RCAN1: variants seen among roughly 807,000 people sequenced by gnomAD.
The protein encoded by RCAN1 is calcipressin-1.
In RCAN1, 11 loss-of-function variants were observed where a neutral mutation model predicts 22.9. The ratio of observed to expected loss-of-function variants is 0.48; its 90% confidence interval spans 0.30 to 0.79. The LOEUF (loss-of-function observed/expected upper bound fraction) is 0.79, where lower values mean the gene tolerates loss of function less well. Among genes scored for constraint, RCAN1 ranks in the 30% least tolerant of loss-of-function variants. The pLI, the probability that RCAN1 is intolerant of heterozygous loss-of-function variation, is 0.06. For synonymous variants in RCAN1, 136 were observed against 142.3 expected (o/e 0.96, Z 0.32); for missense variants, 291 against 337.8 (o/e 0.86, Z 1.09).
At chr21:34,549,607 G>A (rs1454268223) in intron 1 of RCAN1, among the ~76,000 whole-genome samples, 1 of 152,148 alleles carries the variant, frequency 6.6e-6, no homozygotes, top group African/African-American at 2.4e-5. Context: ...TATTTGCCTT[G>A]TTTTTAATAT....
At chr21:34,573,377 C>G (rs1987300146) in intron 1 of RCAN1, among the ~76,000 whole-genome samples, 1 of 152,190 alleles carries the variant, frequency 6.6e-6, no homozygotes, top group Admixed American at 6.5e-5. Flanking sequence ...AAATATTTTG[C>G]CTTCACTGAG....
intron 1 of RCAN1, among the ~76,000 whole-genome samples, chr21:34,557,373 C>A (rs1351576433): frequency 2.0e-5 from 3 of 152,214 alleles, no homozygotes; most frequent in African/African-American, 7.2e-5. Flanking sequence ...ACTCATAATT[C>A]CCACAACGCC....
chr21:34,581,128 T>C (rs1308654182), intron 1 of RCAN1, among the ~76,000 whole-genome samples: 2 of 152,282 alleles, frequency 1.3e-5, no homozygotes, highest in East Asian at 3.9e-4. Flanking sequence ...TGAAAATGCC[T>C]TCTAGACTGG....
At chr21:34,531,458 C>T (rs1332700552) in intron 1 of RCAN1, among the ~76,000 whole-genome samples, 1 of 152,186 alleles carries the variant, frequency 6.6e-6, no homozygotes, top group East Asian at 1.9e-4. Context: ...CTATCCCATC[C>T]TTCACCGTGC....
chr21:34,523,643 T>C lies in RCAN1; in HGVS notation c.320A>G (p.Lys107Arg), dbSNP rs755567824. 1.2e-6 allele frequency: 2 copies of C among 1,614,202 alleles called. No homozygotes were observed. The highest frequency in any genetic ancestry group is 4.5e-5 in the East Asian group (2 of 44,884). Residue 107 changes from lysine (K) to arginine (R), a missense_variant, in exon 2 of 4, where the codon AAA (lysine) becomes AGA (arginine). By Grantham distance (26) the Lys-to-Arg change is conservative. Coordinates refer to ENST00000313806, the MANE Select transcript of RCAN1 (RefSeq NM_004414.7). ...GTTGCTGAAGTTTATTCTGACTCGTTTGAAGCTCTTAAAATACTGAAAGGT... is the reference window on the plus strand; with the variant it reads ...GTTGCTGAAGTTTATTCTGACTCGTCTGAAGCTCTTAAAATACTGAAAGGT... ...DITFQYFKSF[K>R]RVRINFSNPF...
chr21:34,536,714 G>A (rs1053492893), intron 1 of RCAN1, among the ~76,000 whole-genome samples: 1 of 152,134 alleles, frequency 6.6e-6, no homozygotes, highest in Non-Finnish European at 1.5e-5. Flanking sequence ...GAGGAGTAAA[G>A]GTGAGAGGGT....
intron 1 of RCAN1, chr21:34,526,652 A>G: frequency 6.2e-7 from 1 of 1,611,076 alleles, no homozygotes; most frequent in Non-Finnish European, 8.5e-7. Flanking sequence ...ACGTTATATT[A>G]GAAGCCTTAC....
At chr21:34,592,118 A>T (rs1449551259) in intron 1 of RCAN1, among the ~76,000 whole-genome samples, 1 of 152,232 alleles carries the variant, frequency 6.6e-6, no homozygotes, top group Non-Finnish European at 1.5e-5. Context: ...TAGACAGACG[A>T]AAGAAAAATG....
Position 34,517,130 on chromosome 21 carries a change from G to GT in RCAN1, c.*953dup, listed in dbSNP as rs1568872829. ...TTTACAAGTGTATCTTGATGTCTTC[G>GT]TGGGGTAAAAGAACCAACTATCTCA... On this transcript the variant is annotated 3_prime_UTR_variant, in exon 4 of 4. Transcript: ENST00000313806. The GT allele has an allele frequency of 6.6e-6, 1 of 152,220 alleles. No individual in the cohort carries two copies. The highest frequency in any genetic ancestry group is 1.9e-4 in the East Asian group (1 of 5,202). The allele number at this position is 152,220 out of a possible 1,614,324, so 9.4% of individuals were successfully genotyped here.
Position 34,595,750 on chromosome 21 carries a change from C to T in RCAN1, c.252+19010G>A, listed in dbSNP as rs568493543. 3.5e-4 allele frequency among the ~76,000 whole-genome samples: 53 copies of T among 152,360 alleles called. 1 individual carries two copies. Among genetic ancestry groups the T allele is most frequent in the Middle Eastern group, 3.4e-3 (1 of 294 alleles). On this transcript the variant is annotated intron_variant, in intron 1 of 3. Transcript: ENST00000313806. ...CACTGGAAGGGCACTGCTCCCAACACCCACTCACACGCTGCCTGGATGGCT... is the reference window on the plus strand; with the variant it reads ...CACTGGAAGGGCACTGCTCCCAACATCCACTCACACGCTGCCTGGATGGCT...
At position 34,608,313 on chromosome 21, in the gene RCAN1, C is replaced by T. The variant is rs1601225854; in HGVS notation, c.252+6447G>A. ...GATGGCCCCCAGGGATCCCCACGTC[C>T]TGGTATTTACACCCTTTTGTAATTC... On this transcript the variant is annotated intron_variant, in intron 1 of 3. Transcript: ENST00000313806. 2.0e-5 allele frequency among the ~76,000 whole-genome samples: 3 copies of T among 152,298 alleles called. No individual in the cohort carries two copies. In the South Asian group the frequency reaches 6.2e-4, roughly 32 times the overall value.
intron 1 of RCAN1, among the ~76,000 whole-genome samples, chr21:34,550,721 G>A (rs1402218334): frequency 2.0e-5 from 3 of 152,150 alleles, no homozygotes; most frequent in Admixed American, 1.3e-4. Flanking sequence ...TTAAGAGCAT[G>A]TAACAATATA....
intron 1 of RCAN1, among the ~76,000 whole-genome samples, chr21:34,610,190 A>G (rs929802554): frequency 6.6e-6 from 1 of 152,230 alleles, no homozygotes; most frequent in Non-Finnish European, 1.5e-5. Context: ...CCAAGTATAT[A>G]CAACCTCAGG....
chr21:34,565,985 C>A (rs1461303118), intron 1 of RCAN1, among the ~76,000 whole-genome samples: 1 of 152,214 alleles, frequency 6.6e-6, no homozygotes, highest in Non-Finnish European at 1.5e-5. Flanking sequence ...CACGCAGGAA[C>A]ACTTTCCGTC....
intron 1 of RCAN1, among the ~76,000 whole-genome samples, chr21:34,561,822 C>T (rs773790413): frequency 1.2e-4 from 18 of 152,182 alleles, no homozygotes; most frequent in Non-Finnish European, 1.9e-4. Flanking sequence ...ACGTTCAGGG[C>T]CACGGTGGTC....
At chr21:34,554,637 A>G (rs115961757) in intron 1 of RCAN1, among the ~76,000 whole-genome samples, 2,680 of 152,342 alleles carry the variant, frequency 0.018, 78 homozygotes, top group African/African-American at 0.061. Flanking sequence ...AAACAAAAAC[A>G]AAAAACTCTG....
chr21:34,520,564 C>T (rs1421696319), intron 3 of RCAN1, among the ~76,000 whole-genome samples: 1 of 152,160 alleles, frequency 6.6e-6, no homozygotes, highest in Non-Finnish European at 1.5e-5. Context: ...GAAAACAAAA[C>T]CCTCAACCCA....
At chr21:34,599,196 G>C in intron 1 of RCAN1, among the ~76,000 whole-genome samples, 1 of 152,080 alleles carries the variant, frequency 6.6e-6, no homozygotes, top group East Asian at 1.9e-4. Flanking sequence ...AATGCTATTT[G>C]CAACATTATT....
At chr21:34,585,099 A>C (rs1437534622) in intron 1 of RCAN1, among the ~76,000 whole-genome samples, 2 of 152,230 alleles carry the variant, frequency 1.3e-5, no homozygotes, top group African/African-American at 4.8e-5. Context: ...AATTTCAAAA[A>C]AGTTGAATAA....
Sources: allele counts gnomAD v4.1 joint callset (sites outside exome capture counted in the v4.1 genomes callset), GRCh38; gene constraint gnomAD v4.1.1; transcripts MANE v1.5; gene names NCBI Gene and HGNC (gene_info 2026-07-23, HGNC 2026-07-21).